The following DTWD2 variants were observed in gnomAD, a reference collection of about 807,000 sequenced individuals.
The protein encoded by DTWD2 is DTW motif tRNA-uridine aminocarboxypropyltransferase 2, also known as tRNA-uridine aminocarboxypropyltransferase 2.
In DTWD2, 39 loss-of-function variants were observed where a neutral mutation model predicts 31.8. The ratio of observed to expected loss-of-function variants is 1.22; its 90% CI spans 0.95 to 1.60. The LOEUF (loss-of-function observed/expected upper bound fraction) is 1.60. DTWD2 is among the 40% of genes most tolerant of loss of function. The pLI, the probability that DTWD2 is intolerant of heterozygous loss-of-function variation, is 0.00. For synonymous variants in DTWD2, 180 were observed against 142.8 expected (o/e 1.26, Z -1.86); for missense variants, 515 against 381.5 (o/e 1.35, Z -2.92).
At chr5:118,844,329 G>A (rs187129917) in intron 5 of DTWD2, among the ~76,000 whole-genome samples, 3 of 152,132 alleles carry the variant, frequency 2.0e-5, no homozygotes, top group East Asian at 3.8e-4. Context: ...ATAAAACTTC[G>A]TAAGTAGAAA....
At chr5:118,892,919 T>A (rs186185871) in intron 4 of DTWD2, among the ~76,000 whole-genome samples, 1 of 152,264 alleles carries the variant, frequency 6.6e-6, no homozygotes. Context: ...CTGTAGTTTA[T>A]CCACTTACAG....
intron 5 of DTWD2, among the ~76,000 whole-genome samples, chr5:118,842,953 CTT>C (rs1181962036): frequency 0.028 from 3,087 of 108,744 alleles, 100 homozygotes; most frequent in African/African-American, 0.092. Context: ...TCTTCTTCCT[CTT>C]TTTTTTTTTT....
chr5:118,848,999 G>A (rs983139430), intron 4 of DTWD2, among the ~76,000 whole-genome samples: 1 of 152,104 alleles, frequency 6.6e-6, no homozygotes, highest in Non-Finnish European at 1.5e-5. Flanking sequence ...CCAAAGCAAT[G>A]GCAGCAAAAG....
At chr5:118,857,731 C>A (rs1217430575) in intron 4 of DTWD2, among the ~76,000 whole-genome samples, 1 of 152,128 alleles carries the variant, frequency 6.6e-6, no homozygotes, top group African/African-American at 2.4e-5. Flanking sequence ...CAGTAACTAG[C>A]AGATACACAG....
At chr5:118,973,570 C>A (rs569047258) in intron 1 of DTWD2, among the ~76,000 whole-genome samples, 1 of 151,966 alleles carries the variant, frequency 6.6e-6, no homozygotes, top group African/African-American at 2.4e-5. Context: ...TTCCCACTGG[C>A]TGCTCTGAAA....
intron 1 of DTWD2, among the ~76,000 whole-genome samples, chr5:118,981,894 T>C (rs975969180): frequency 2.0e-5 from 3 of 152,340 alleles, no homozygotes; most frequent in South Asian, 2.1e-4. Context: ...AAACACCTCA[T>C]GTAAATACTT....
rs1262392477 is a variant in DTWD2 at position 118,939,266 on chromosome 5, G to T, written c.334C>A (p.Pro112Thr). Residue 112 changes from proline (P) to threonine (T), a missense_variant, in exon 3 of 6, where the codon CCT becomes ACT. Coordinates refer to ENST00000510708, the MANE Select transcript of DTWD2 (RefSeq NM_173666.4). ...AEENKVLRTV[P>T]LLAACLPQDK... is the part of the protein sequence containing the mutation. ...TGGGGGAGGCATGCTGCTAGTAGAG[G>T]AACTGTACGCAACACTTTGTTTTCC... The T allele has an allele frequency of 1.3e-6, 2 of 1,596,548 alleles. No homozygotes were observed. The highest frequency in any genetic ancestry group is 1.7e-6 in the Non-Finnish European group (2 of 1,170,958).
chr5:118,963,847 A>T (rs169917), intron 1 of DTWD2, among the ~76,000 whole-genome samples: 116,372 of 152,060 alleles, frequency 0.77, 45,444 homozygotes, highest in East Asian at 0.99. Flanking sequence ...TCCCTTAAAG[A>T]TCCTTATGGT....
intron 1 of DTWD2, chr5:118,973,655 GCGGC>G: frequency 2.4e-6 from 2 of 816,342 alleles, no homozygotes; most frequent in Non-Finnish European, 4.0e-6. Context: ...CTCCTTGCTC[GCGGC>G]AGCCTCCTTG....
At chr5:118,903,521 T>A (rs1392988934) in intron 4 of DTWD2, among the ~76,000 whole-genome samples, 1 of 152,034 alleles carries the variant, frequency 6.6e-6, no homozygotes, top group African/African-American at 2.4e-5. Flanking sequence ...AATTAAATTA[T>A]GCTTGAAGCT....
At chr5:118,863,362 A>T (rs1276674624) in intron 4 of DTWD2, among the ~76,000 whole-genome samples, 1 of 152,222 alleles carries the variant, frequency 6.6e-6, no homozygotes, top group Non-Finnish European at 1.5e-5. Context: ...ATTCTATCTT[A>T]AATTAATTAC....
chr5:118,977,685 A>G (rs1250563521), intron 1 of DTWD2, among the ~76,000 whole-genome samples: 3 of 152,220 alleles, frequency 2.0e-5, no homozygotes, highest in Non-Finnish European at 4.4e-5. Context: ...AGGAAATCAG[A>G]GAGGACACAA....
chr5:118,903,548 T>C (rs1000324716), intron 4 of DTWD2, among the ~76,000 whole-genome samples: 2 of 151,974 alleles, frequency 1.3e-5, no homozygotes, highest in African/African-American at 4.8e-5. Context: ...AAAATACTAA[T>C]ACAAGTATGA....
At chr5:118,940,984 T>G (rs1406891806) in intron 2 of DTWD2, among the ~76,000 whole-genome samples, 2 of 152,186 alleles carry the variant, frequency 1.3e-5, no homozygotes, top group African/African-American at 4.8e-5. Flanking sequence ...TGAGATAGCT[T>G]TTCTATTTTT....
At chr5:118,852,614 C>T (rs1400288876) in intron 4 of DTWD2, among the ~76,000 whole-genome samples, 1 of 152,144 alleles carries the variant, frequency 6.6e-6, no homozygotes, top group Non-Finnish European at 1.5e-5. Context: ...TTATACACTG[C>T]TTGTGGGAAT....
At chr5:118,927,474 A>G (rs1371790308) in intron 4 of DTWD2, among the ~76,000 whole-genome samples, 1 of 152,006 alleles carries the variant, frequency 6.6e-6, no homozygotes, top group Non-Finnish European at 1.5e-5. Flanking sequence ...AAATAGAGAA[A>G]CCCCTTTTGA....
intron 3 of DTWD2, among the ~76,000 whole-genome samples, chr5:118,938,271 T>C (rs921596247): frequency 2.6e-5 from 4 of 152,174 alleles, no homozygotes; most frequent in Non-Finnish European, 4.4e-5. Flanking sequence ...CATTTGCAGA[T>C]GACAATGCTG....
chr5:118,949,561 T>A (rs557424194), intron 1 of DTWD2, among the ~76,000 whole-genome samples: 9 of 152,326 alleles, frequency 5.9e-5, no homozygotes, highest in African/African-American at 1.7e-4. Context: ...AGAGTTTATA[T>A]GCTTTAGAAG....
Position 118,985,490 on chromosome 5 carries a change from TTATATA to T in DTWD2, c.218+2798_218+2803del, listed in dbSNP as rs56393420. On this transcript the variant is annotated intron_variant, in intron 1 of 5. Coordinates refer to ENST00000510708, the MANE Select transcript of DTWD2 (RefSeq NM_173666.4). ...AAAGACCACATGCTTATGTGCATTT[TTATATA>T]TATATATATATATATATATATACAC... Among the ~76,000 whole-genome samples the T allele has an allele frequency of 3.4e-4, 32 of 95,428 alleles. 1 individual carries two copies. The highest frequency in any genetic ancestry group is 1.7e-3 in the South Asian group (4 of 2,328). 62.6% of individuals were successfully genotyped at this position (95,428 alleles called of 152,430 possible). A position where few individuals can be genotyped will look rare whatever the true frequency, so the allele number is the denominator to read the frequency against.
Sources: gnomAD v4.1 joint callset for allele counts (sites outside exome capture counted in the v4.1 genomes callset) on GRCh38, gnomAD v4.1.1 for gene constraint, MANE v1.5 for transcripts, NCBI Gene and HGNC (gene_info 2026-07-23, HGNC 2026-07-21) for gene names.